The following GABPB1 variants were observed in gnomAD, a reference collection of about 807,000 sequenced individuals.
GABPB1 encodes GA-binding protein subunit beta-1.
GABPB1 carries 15 observed loss-of-function variants against 45.9 expected under a neutral mutation model. That is an observed-to-expected ratio of 0.33 (90% CI 0.22 to 0.50). GABPB1 has a LOEUF of 0.50. Among genes scored for constraint, GABPB1 ranks in the 20% least tolerant of loss-of-function variants. The pLI, the probability that GABPB1 is intolerant of heterozygous loss-of-function variation, is 0.98. For missense variants in GABPB1, 252 were observed against 457.5 expected, an observed-to-expected ratio of 0.55 and a Z score of 4.10; for synonymous variants, 143 against 154.4, an observed-to-expected ratio of 0.93 and a Z score of 0.55.
intron 1 of GABPB1, among the ~76,000 whole-genome samples, chr15:50,315,414 G>A (rs1268426677): frequency 6.6e-6 from 1 of 152,194 alleles, no homozygotes; most frequent in Admixed American, 6.5e-5. Context: ...CTATAGGCAT[G>A]AGCCACTGCA....
At chr15:50,288,961 G>T (rs1477919802) in intron 7 of GABPB1, among the ~76,000 whole-genome samples, 1 of 151,862 alleles carries the variant, frequency 6.6e-6, no homozygotes. Flanking sequence ...AAGTAGCTGC[G>T]ACTATCAGCA....
At chr15:50,299,643 CCCGCCT>C (rs1470415918) in intron 6 of GABPB1, among the ~76,000 whole-genome samples, 1 of 152,162 alleles carries the variant, frequency 6.6e-6, no homozygotes. Context: ...AGGTGATCCA[CCCGCCT>C]CAGCCTCCCA....
intron 1 of GABPB1, among the ~76,000 whole-genome samples, chr15:50,321,164 C>G (rs1031284456): frequency 6.6e-6 from 1 of 152,144 alleles, no homozygotes; most frequent in Non-Finnish European, 1.5e-5. Context: ...CACGAGTTAG[C>G]ATTGTTCTAG....
At chr15:50,309,657 A>G in intron 2 of GABPB1, 34 bp downstream of exon 2, 1 of 1,293,754 alleles carries the variant, frequency 7.7e-7, no homozygotes, top group Non-Finnish European at 1.1e-6. Flanking sequence ...AATGAGAAGG[A>G]AAAAGAACAC....
chr15:50,341,030 T>C (rs1449732912), intron 1 of GABPB1, among the ~76,000 whole-genome samples: 1 of 151,342 alleles, frequency 6.6e-6, no homozygotes, highest in Non-Finnish European at 1.5e-5. Flanking sequence ...TTACATATGG[T>C]TTATTACATA....
chr15:50,328,233 C>T (rs2047836779), intron 1 of GABPB1, among the ~76,000 whole-genome samples: 1 of 150,930 alleles, frequency 6.6e-6, no homozygotes, highest in Non-Finnish European at 1.5e-5. Context: ...CATCCTATTC[C>T]TTTCTAAAAA....
At chr15:50,345,946 C>T (rs1486605771) in intron 1 of GABPB1, among the ~76,000 whole-genome samples, 1 of 152,058 alleles carries the variant, frequency 6.6e-6, no homozygotes, top group African/African-American at 2.4e-5. Context: ...CTCCTGACCT[C>T]GTGATCCACC....
Position 50,298,951 on chromosome 15 carries a change from CA to C in GABPB1, c.697+1837del, listed in dbSNP as rs775179968. ...TGTGTGACAAAATGAGACTCCATGT[CA>C]AAAAAAAAAAAAAAGAAAGAGAAAA... is the stretch of plus-strand genomic sequence containing the variant. On this transcript the variant is annotated intron_variant, in intron 6 of 8. Transcript: ENST00000380877. Among the ~76,000 whole-genome samples the C allele has an allele frequency of 7.6e-3, 466 of 61,092 alleles. 1 individual carries two copies. Among genetic ancestry groups the C allele is most frequent in the African/African-American group, 0.013 (268 of 21,170 alleles). The allele number at this position is 61,092 out of a possible 152,430, so 40.1% of individuals were successfully genotyped here.
At chr15:50,293,936 C>A (rs1334763094) in intron 6 of GABPB1, among the ~76,000 whole-genome samples, 1 of 152,112 alleles carries the variant, frequency 6.6e-6, no homozygotes, top group African/African-American at 2.4e-5. Context: ...AGCCTAAAAA[C>A]TCTTAAAAGA....
chr15:50,301,182 C>T (rs763798155), intron 5 of GABPB1, 75 bp downstream of exon 5: 3 of 1,572,944 alleles, frequency 1.9e-6, no homozygotes, highest in South Asian at 2.3e-5. Flanking sequence ...CCTACTAAAG[C>T]ATAAAATCCC....
At chr15:50,316,851 T>C (rs1057152087) in intron 1 of GABPB1, among the ~76,000 whole-genome samples, 2 of 152,158 alleles carry the variant, frequency 1.3e-5, no homozygotes, top group African/African-American at 4.8e-5. Flanking sequence ...AGTCATATAA[T>C]AAACTCCCAC....
At chr15:50,297,897 T>C (rs1250357376) in intron 6 of GABPB1, among the ~76,000 whole-genome samples, 1 of 152,124 alleles carries the variant, frequency 6.6e-6, no homozygotes, top group Non-Finnish European at 1.5e-5. Flanking sequence ...CATAGAAGAT[T>C]TTAAGTCACA....
At position 50,300,429 on chromosome 15, in the gene GABPB1, G is replaced by GTTTTTT. The variant is rs1363908199; in HGVS notation, c.697+359_697+360insAAAAAA. Among the ~76,000 whole-genome samples, 111 of 72,120 alleles carry GTTTTTT rather than the reference G, an allele frequency of 1.5e-3. 2 individuals are homozygous for GTTTTTT. Among genetic ancestry groups the GTTTTTT allele is most frequent in the Non-Finnish European group, 2.3e-3 (86 of 37,574 alleles). The allele number at this position is 72,120 out of a possible 152,430, so 47.3% of individuals were successfully genotyped here. ...TTTGTAAATATTTGAATCTGCAACT[G>GTTTTTT]TTTTTGGTTTTTTTTTTTTTTTTTT... On this transcript the variant is annotated intron_variant, in intron 6 of 8. Coordinates refer to ENST00000380877, the MANE Select transcript of GABPB1 (RefSeq NM_016654.5).
chr15:50,312,070 C>A (rs560940852), intron 1 of GABPB1, among the ~76,000 whole-genome samples: 2 of 152,040 alleles, frequency 1.3e-5, no homozygotes, highest in Non-Finnish European at 2.9e-5. Flanking sequence ...TATGGCAAGG[C>A]GCAGCAGCTT....
chr15:50,293,608 A>G (rs1376249434), intron 6 of GABPB1, among the ~76,000 whole-genome samples: 1 of 152,236 alleles, frequency 6.6e-6, no homozygotes, highest in East Asian at 1.9e-4. Context: ...TTCAAAAACT[A>G]TCCATATGAA....
At position 50,355,181 on chromosome 15, in the gene GABPB1, G is replaced by T. The variant is rs1338088975; in HGVS notation, c.-197C>A. On this transcript the variant is annotated 5_prime_UTR_variant, in exon 1 of 9. Transcript: ENST00000380877. ...CGAAAAGTCCCCCGTGCTGCGCGCG[G>T]AGGGACACATGGTGTGCGAGTGAGT... 2 of 153,168 alleles carry T rather than the reference G, an allele frequency of 1.3e-5. No individual in the cohort carries two copies. The highest frequency in any genetic ancestry group is 4.8e-5 in the African/African-American group (2 of 41,464). The allele number at this position is 153,168 out of a possible 1,614,324, so 9.5% of individuals were successfully genotyped here.
chr15:50,290,856 G>A (rs1260269684), intron 6 of GABPB1, among the ~76,000 whole-genome samples: 3 of 152,166 alleles, frequency 2.0e-5, no homozygotes, highest in Admixed American at 1.3e-4. Flanking sequence ...AGCTCAAGCA[G>A]CACCTGTGGC....
chr15:50,294,698 T>C (rs778397658), intron 6 of GABPB1, among the ~76,000 whole-genome samples: 8 of 152,170 alleles, frequency 5.3e-5, no homozygotes, highest in Non-Finnish European at 1.0e-4. Flanking sequence ...CACCCTATTT[T>C]TGATATAGAC....
intron 1 of GABPB1, chr15:50,353,180 CCT>C (rs1382063845): frequency 1.3e-5 from 2 of 152,074 alleles, no homozygotes; most frequent in Non-Finnish European, 2.9e-5. Context: ...TTCGAATGTT[CCT>C]GAGTCTCCGA....
Sources: gnomAD v4.1 joint callset for allele counts (sites outside exome capture counted in the v4.1 genomes callset) on GRCh38, gnomAD v4.1.1 for gene constraint, MANE v1.5 for transcripts, NCBI Gene and HGNC (gene_info 2026-07-23, HGNC 2026-07-21) for gene names.